Variants in SEMA3A observed in about 807,000 individuals in gnomAD.
The protein encoded by SEMA3A is semaphorin-3A.
In SEMA3A, 29 loss-of-function variants were observed where a neutral mutation model predicts 97.9. The ratio of observed to expected loss-of-function variants is 0.30; its 90% CI spans 0.22 to 0.40. SEMA3A has a LOEUF of 0.40. Ranked by LOEUF, SEMA3A falls within the 10% of genes least tolerant of loss-of-function variation. The pLI is 1.00. For synonymous variants in SEMA3A, 321 were observed against 323.7 expected, an observed-to-expected ratio of 0.99 and a Z score of 0.09; for missense variants, 763 against 951.3, an observed-to-expected ratio of 0.80 and a Z score of 2.60.
chr7:84,095,366 T>C (rs1342379848), intron 4 of SEMA3A, among the ~76,000 whole-genome samples: 1,604 of 51,756 alleles, frequency 0.031, 76 homozygotes, highest in Admixed American at 0.23. Flanking sequence ...TACATATATA[T>C]ATATATATAT....
At chr7:84,461,122 C>T (rs1584341305) in intron 1 of SEMA3A, among the ~76,000 whole-genome samples, 2 of 152,158 alleles carry the variant, frequency 1.3e-5, no homozygotes, top group African/African-American at 2.4e-5. Context: ...GGGTGATGTG[C>T]TTCAAATAAA....
intron 2 of SEMA3A, among the ~76,000 whole-genome samples, chr7:84,342,160 C>T (rs989434384): frequency 3.3e-5 from 5 of 152,180 alleles, no homozygotes; most frequent in South Asian, 2.1e-4. Context: ...CTCAGCCTCC[C>T]GAGTAACTGG....
chr7:84,046,240 A>G (rs148331792), intron 6 of SEMA3A, 84 bp downstream of exon 6: 2 of 1,464,048 alleles, frequency 1.4e-6, no homozygotes, highest in African/African-American at 2.8e-5. Context: ...TTCAAGTCAT[A>G]TTGCATGTAC....
chr7:84,445,502 A>AAAAAAAAAAAAAAAAAAAAAAAAAAAAG, intron 1 of SEMA3A, among the ~76,000 whole-genome samples: 1 of 138,312 alleles, frequency 7.2e-6, no homozygotes, highest in Non-Finnish European at 1.5e-5. Context: ...TCAAAAAAAA[A>AAAAAAAAAAAAAAAAAAAAAAAAAAAAG]AAAAAAAAAA....
chr7:84,404,242 T>A (rs923089319), intron 1 of SEMA3A, among the ~76,000 whole-genome samples: 4 of 151,928 alleles, frequency 2.6e-5, no homozygotes, highest in African/African-American at 9.7e-5. Flanking sequence ...AACTACGTAA[T>A]GAATGCACAA....
intron 1 of SEMA3A, among the ~76,000 whole-genome samples, chr7:84,454,335 A>G (rs910767234): frequency 2.0e-5 from 3 of 152,192 alleles, no homozygotes; most frequent in African/African-American, 4.8e-5. Flanking sequence ...TCAGACACAG[A>G]TAAGTCATTT....
intron 1 of SEMA3A, among the ~76,000 whole-genome samples, chr7:84,454,134 A>C (rs936486381): frequency 3.9e-5 from 6 of 152,006 alleles, no homozygotes; most frequent in African/African-American, 1.4e-4. Flanking sequence ...AGGCATCTGA[A>C]CTCTTTTCTT....
intron 1 of SEMA3A, among the ~76,000 whole-genome samples, chr7:84,409,141 A>G (rs1804192822): frequency 6.6e-6 from 1 of 150,988 alleles, no homozygotes; most frequent in Admixed American, 6.6e-5. Context: ...ACAATAGGAC[A>G]CTATCATTAA....
chr7:84,102,856 C>T (rs928804947), intron 4 of SEMA3A, among the ~76,000 whole-genome samples: 1 of 152,038 alleles, frequency 6.6e-6, no homozygotes, highest in Non-Finnish European at 1.5e-5. Flanking sequence ...GCTGGGATTA[C>T]AGGCGTTGAG....
chr7:84,077,541 G>A (rs1793997169), intron 4 of SEMA3A, among the ~76,000 whole-genome samples: 1 of 152,016 alleles, frequency 6.6e-6, no homozygotes, highest in African/African-American at 2.4e-5. Context: ...TCTGGGAAGT[G>A]ACGAGGCCAA....
intron 5 of SEMA3A, among the ~76,000 whole-genome samples, chr7:84,054,200 C>T (rs1300422875): frequency 2.0e-5 from 3 of 152,248 alleles, no homozygotes; most frequent in African/African-American, 7.2e-5. Flanking sequence ...CTTGGAGTTG[C>T]TCTTCTCGAG....
intron 1 of SEMA3A, among the ~76,000 whole-genome samples, chr7:84,167,531 G>T (rs1476113748): frequency 6.6e-6 from 1 of 152,110 alleles, no homozygotes; most frequent in Non-Finnish European, 1.5e-5. Context: ...ACAGAGAGTT[G>T]AGTATGGCAA....
chr7:84,197,640 G>A (rs1166112844), upstream of SEMA3A, among the ~76,000 whole-genome samples: 1 of 151,592 alleles, frequency 6.6e-6, no homozygotes, highest in Admixed American at 6.6e-5. Context: ...AGCAAGGTAT[G>A]GGTGGACCTG....
At chr7:84,137,620 G>C (rs1796178409) in intron 1 of SEMA3A, among the ~76,000 whole-genome samples, 1 of 146,840 alleles carries the variant, frequency 6.8e-6, no homozygotes, top group South Asian at 2.2e-4. Flanking sequence ...TTATCAAATG[G>C]ATACCCTTCA....
At chr7:84,248,516 G>T (rs1399493849) in intron 3 of SEMA3A, among the ~76,000 whole-genome samples, 2 of 152,168 alleles carry the variant, frequency 1.3e-5, no homozygotes, top group African/African-American at 4.8e-5. Flanking sequence ...GTCTTTTTGT[G>T]AGAGTCAGCA....
chr7:84,292,303 A>G (rs1313823051), intron 3 of SEMA3A, among the ~76,000 whole-genome samples: 2 of 152,104 alleles, frequency 1.3e-5, no homozygotes, highest in African/African-American at 4.8e-5. Flanking sequence ...ATGAGAAGGT[A>G]GAATATCTAC....
intron 1 of SEMA3A, among the ~76,000 whole-genome samples, chr7:84,439,841 A>T (rs576648445): frequency 6.6e-6 from 1 of 152,336 alleles, no homozygotes; most frequent in East Asian, 1.9e-4. Flanking sequence ...ATGAATTATT[A>T]AACCAAGAAT....
At chr7:84,150,513 G>A (rs1011389941) in intron 1 of SEMA3A, among the ~76,000 whole-genome samples, 1 of 152,178 alleles carries the variant, frequency 6.6e-6, no homozygotes, top group Non-Finnish European at 1.5e-5. Flanking sequence ...ACTCCCACCC[G>A]AATACTGTGC....
intron 1 of SEMA3A, among the ~76,000 whole-genome samples, chr7:84,410,808 C>G (rs554004487): frequency 1.5e-4 from 23 of 152,198 alleles, no homozygotes; most frequent in Middle Eastern, 3.4e-3. Context: ...TAGAGCATTC[C>G]AAAGTATTTG....
Sources: gnomAD v4.1 joint callset for allele counts (sites outside exome capture counted in the v4.1 genomes callset) on GRCh38, gnomAD v4.1.1 for gene constraint, MANE v1.5 for transcripts, NCBI Gene and HGNC (gene_info 2026-07-23, HGNC 2026-07-21) for gene names.